Variants in YPEL2 observed in about 807,000 individuals in gnomAD.
YPEL2 encodes the protein yippee like 2, also known as protein yippee-like 2.
YPEL2 carries 2 observed loss-of-function variants against 19.1 expected under a neutral mutation model. The observed-to-expected ratio is 0.10, with a 90% confidence interval of 0.04 to 0.33. The LOEUF (loss-of-function observed/expected upper bound fraction) is 0.33, where lower values mean the gene tolerates loss of function less well. YPEL2 is among the 10% of genes least tolerant of loss of function. YPEL2 has a pLI of 1.00. For synonymous variants in YPEL2, 52 were observed against 50.0 expected (o/e 1.04, Z -0.17); for missense variants, 66 against 140.7 (o/e 0.47, Z 2.68).
At chr17:59,356,472 G>A (rs2047813515) in intron 2 of YPEL2, among the ~76,000 whole-genome samples, 1 of 152,100 alleles carries the variant, frequency 6.6e-6, no homozygotes, top group Non-Finnish European at 1.5e-5. Context: ...AACAAATGGA[G>A]TCTGTATTGC....
intron 1 of YPEL2, among the ~76,000 whole-genome samples, chr17:59,348,497 G>A (rs996718989): frequency 6.6e-6 from 1 of 152,224 alleles, no homozygotes; most frequent in Admixed American, 6.5e-5. Flanking sequence ...GCGGCATGGG[G>A]TGGGGGCTGG....
intron 2 of YPEL2, among the ~76,000 whole-genome samples, chr17:59,384,772 T>C (rs143932881): frequency 3.3e-5 from 5 of 152,226 alleles, no homozygotes; most frequent in Non-Finnish European, 7.3e-5. Flanking sequence ...AGTCTCACAA[T>C]GTTGCCTGTC....
intron 1 of YPEL2, among the ~76,000 whole-genome samples, chr17:59,344,213 G>C (rs1344060666): frequency 6.6e-6 from 1 of 152,086 alleles, no homozygotes; most frequent in Non-Finnish European, 1.5e-5. Context: ...CCTTTATAAA[G>C]GGGTCAAGGG....
chr17:59,337,191 T>C (rs2047703241), intron 1 of YPEL2, among the ~76,000 whole-genome samples: 1 of 147,988 alleles, frequency 6.8e-6, no homozygotes, highest in Non-Finnish European at 1.5e-5. Context: ...TTCTTTTTTT[T>C]TGTTTTTTTT....
At chr17:59,348,839 C>A (rs569352646) in intron 1 of YPEL2, among the ~76,000 whole-genome samples, 2 of 152,154 alleles carry the variant, frequency 1.3e-5, no homozygotes, top group East Asian at 1.9e-4. Flanking sequence ...GGCTAAAGTT[C>A]AAAAATTAGA....
At chr17:59,337,424 C>T (rs527379483) in intron 1 of YPEL2, among the ~76,000 whole-genome samples, 3 of 151,898 alleles carry the variant, frequency 2.0e-5, no homozygotes, top group East Asian at 1.9e-4. Flanking sequence ...CTCCTGACCT[C>T]GTGATCCGCC....
At position 59,340,389 on chromosome 17, in the gene YPEL2, G is replaced by T. The variant is rs573855156; in HGVS notation, c.-196+8565G>T. ...CTCCCAAAGTGCTGGGATTACAGGCGTGAGCCACCGTGCCCAGCTGGAACT... is the reference window on the plus strand; with the variant it reads ...CTCCCAAAGTGCTGGGATTACAGGCTTGAGCCACCGTGCCCAGCTGGAACT... On this transcript the variant is annotated intron_variant, in intron 1 of 4. Transcript: ENST00000312655. Among the ~76,000 whole-genome samples the T allele has an allele frequency of 2.7e-3, 414 of 151,772 alleles. 2 individuals are homozygous for T. Among genetic ancestry groups the T allele is most frequent in the African/African-American group, 9.6e-3 (397 of 41,394 alleles).
chr17:59,379,387 A>T (rs992288606), intron 2 of YPEL2, among the ~76,000 whole-genome samples: 1 of 152,194 alleles, frequency 6.6e-6, no homozygotes, highest in Non-Finnish European at 1.5e-5. Flanking sequence ...AAAAGGACTG[A>T]TCTGACCCTT....
rs1365150734 is a variant in YPEL2 at position 59,353,549 on chromosome 17, C to T, written c.117+23C>T. ...AAGGTACACATTTCCAGCAGGCCTT[C>T]CTTGCCTACCCCGGGGAGGGCGCTT... On this transcript the variant is annotated intron_variant, in intron 2 of 4. Coordinates refer to ENST00000312655, the MANE Select transcript of YPEL2 (RefSeq NM_001005404.4). The surrounding 1 kb of genome is among the most constrained non-coding windows in gnomAD (Gnocchi z 4.8). 5 of 1,581,836 alleles carry T rather than the reference C, an allele frequency of 3.2e-6. No individual in the cohort carries two copies. The highest frequency in any genetic ancestry group is 2.6e-6 in the Non-Finnish European group (3 of 1,150,810).
In YPEL2 at chr17:59,398,419, C is replaced by T. The variant is rs2048052356; in HGVS notation, c.*1229C>T. 6.6e-6 allele frequency: 1 copy of T among 152,184 alleles called. No individual in the cohort carries two copies. 9.4% of individuals were successfully genotyped at this position (152,184 alleles called of 1,614,324 possible). A position where few individuals can be genotyped will look rare whatever the true frequency, so the allele number is the denominator to read the frequency against. ...CCTGGCTGGTAGATTCCTCATGCCC[C>T]TAATTGTCCCACTTAGGCCTGAATG... is the stretch of plus-strand genomic sequence containing the variant. On this transcript the variant is annotated 3_prime_UTR_variant, in exon 5 of 5. Transcript: ENST00000312655.
intron 1 of YPEL2, among the ~76,000 whole-genome samples, chr17:59,348,178 ACTT>A (rs1369690282): frequency 2.0e-5 from 3 of 152,178 alleles, no homozygotes; most frequent in Non-Finnish European, 4.4e-5. Flanking sequence ...TCCAGAGCCC[ACTT>A]CTTTTCCAGT....
intron 2 of YPEL2, among the ~76,000 whole-genome samples, chr17:59,356,541 C>T (rs1218825262): frequency 1.3e-5 from 2 of 152,166 alleles, no homozygotes; most frequent in African/African-American, 4.8e-5. Flanking sequence ...GCTTTAGATC[C>T]CTAGAGGCCT....
intron 2 of YPEL2, among the ~76,000 whole-genome samples, chr17:59,360,049 G>A (rs1035060434): frequency 3.9e-5 from 6 of 152,032 alleles, no homozygotes; most frequent in Admixed American, 1.3e-4. Flanking sequence ...ACAGGCATGC[G>A]CCACCACACC....
In YPEL2 at chr17:59,372,784, A is replaced by G. The variant is rs185325522; in HGVS notation, c.118-15543A>G. 5.9e-5 allele frequency among the ~76,000 whole-genome samples: 9 copies of G among 152,362 alleles called. No individual in the cohort carries two copies. In the East Asian group the frequency reaches 1.7e-3, roughly 29 times the overall value. ...TCCCCATCCACTGTTGCCTTTCCTC[A>G]TACCCAAGGTGGTTGTGAGAAGTTA... On this transcript the variant is annotated intron_variant, in intron 2 of 4. Coordinates refer to ENST00000312655, the MANE Select transcript of YPEL2 (RefSeq NM_001005404.4).
chr17:59,398,454 G>A lies in YPEL2; in HGVS notation c.*1264G>A, dbSNP rs1189598042. The A allele has an allele frequency of 6.6e-6, 1 of 152,170 alleles. No individual in the cohort carries two copies. The highest frequency in any genetic ancestry group is 2.4e-5 in the African/African-American group (1 of 41,420). The allele number at this position is 152,170 out of a possible 1,614,324, so 9.4% of individuals were successfully genotyped here. On this transcript the variant is annotated 3_prime_UTR_variant, in exon 5 of 5. Transcript: ENST00000312655. ...CACTTAGGCCTGAATGTCTTGCATG[G>A]AGAGAAATCTCCTGTCAGTGTGGTC...
intron 2 of YPEL2, among the ~76,000 whole-genome samples, chr17:59,385,416 A>C (rs1051950207): frequency 6.6e-6 from 1 of 152,086 alleles, no homozygotes; most frequent in Non-Finnish European, 1.5e-5. Flanking sequence ...CCGTCTCTAC[A>C]AAAAATCCAA....
chr17:59,359,247 A>G (rs1032422756), intron 2 of YPEL2, among the ~76,000 whole-genome samples: 1 of 152,216 alleles, frequency 6.6e-6, no homozygotes, highest in African/African-American at 2.4e-5. Context: ...AATGTACAAT[A>G]AAACTACTCT....
intron 2 of YPEL2, among the ~76,000 whole-genome samples, chr17:59,370,693 CTTGT>C (rs1212986176): frequency 4.6e-5 from 7 of 152,180 alleles, no homozygotes; most frequent in African/African-American, 1.7e-4. Context: ...ATTGCTTCGG[CTTGT>C]TTCTTTGCTG....
rs551441667 is a variant in YPEL2, at chr17:59,387,460, A to G, written c.118-867A>G. 1.1e-4 allele frequency among the ~76,000 whole-genome samples: 16 copies of G among 152,028 alleles called. No homozygotes were observed. The South Asian group carries it at 1.9e-3, about 18-fold the overall frequency. On this transcript the variant is annotated intron_variant, in intron 2 of 4. Coordinates refer to ENST00000312655, the MANE Select transcript of YPEL2 (RefSeq NM_001005404.4). ...TTTTCAGAGCAGACTAAGATACTAAATTCAGGACACTGTTGTTAGACCACA... is the reference window on the plus strand; with the variant it reads ...TTTTCAGAGCAGACTAAGATACTAAGTTCAGGACACTGTTGTTAGACCACA...
Sources: gnomAD v4.1 joint callset for allele counts (sites outside exome capture counted in the v4.1 genomes callset) on GRCh38, gnomAD v4.1.1 for gene constraint, Gnocchi (gnomAD v3.1) non-coding constraint, MANE v1.5 for transcripts, NCBI Gene and HGNC (gene_info 2026-07-23, HGNC 2026-07-21) for gene names.